SEL1L3: variants seen among roughly 807,000 people sequenced by gnomAD.
The protein encoded by SEL1L3 is protein sel-1 homolog 3.
SEL1L3 carries 76 observed loss-of-function variants against 142.8 expected under a neutral mutation model. That is an observed-to-expected ratio of 0.53 (90% CI 0.44 to 0.64). The LOEUF (loss-of-function observed/expected upper bound fraction) is 0.64, where lower values mean the gene tolerates loss of function less well. Ranked by LOEUF, SEL1L3 falls within the 30% of genes least tolerant of loss-of-function variation. The probability of loss-of-function intolerance (pLI) is 0.00; values close to 1 mark genes in which losing one functional copy is unlikely to be tolerated. For missense variants in SEL1L3, 1,262 were observed against 1,381.7 expected, an observed-to-expected ratio of 0.91 and a Z score of 1.37; for synonymous variants, 504 against 519.6, an observed-to-expected ratio of 0.97 and a Z score of 0.41.
At chr4:25,781,738 T>A (rs1292757378) in intron 15 of SEL1L3, among the ~76,000 whole-genome samples, 1 of 152,084 alleles carries the variant, frequency 6.6e-6, no homozygotes, top group African/African-American at 2.4e-5. Context: ...AGAGGAGAAT[T>A]AGGATTACAT....
the SEL1L3 span, among the ~76,000 whole-genome samples, chr4:25,716,905 T>A: frequency 6.6e-6 from 1 of 152,080 alleles, no homozygotes; most frequent in Non-Finnish European, 1.5e-5. Flanking sequence ...GGCAGATGGA[T>A]CTCTTGAGCC....
At chr4:25,744,588 A>G (rs1577542122), downstream of SEL1L3, among the ~76,000 whole-genome samples, 1 of 152,146 alleles carries the variant, frequency 6.6e-6, no homozygotes, top group Non-Finnish European at 1.5e-5. Flanking sequence ...TCCTGACCTC[A>G]AGAGATCCAG....
chr4:25,844,939 T>C (rs1716412630), intron 2 of SEL1L3, among the ~76,000 whole-genome samples: 1 of 152,202 alleles, frequency 6.6e-6, no homozygotes, highest in African/African-American at 2.4e-5. Flanking sequence ...GAATTTACTT[T>C]CATCTTCTAG....
chr4:25,739,577 C>T, the SEL1L3 span, among the ~76,000 whole-genome samples: 7 of 151,904 alleles, frequency 4.6e-5, no homozygotes, highest in South Asian at 4.2e-4. Flanking sequence ...TGGTGGCACG[C>T]GCCTGTAGTC....
At chr4:25,764,734 T>C (rs1213021507) in intron 20 of SEL1L3, among the ~76,000 whole-genome samples, 1 of 152,150 alleles carries the variant, frequency 6.6e-6, no homozygotes, top group Non-Finnish European at 1.5e-5. Context: ...CATTTGATTA[T>C]TTGGTCTTGA....
At chr4:25,825,983 A>C (rs1045469328) in intron 6 of SEL1L3, among the ~76,000 whole-genome samples, 4 of 151,940 alleles carry the variant, frequency 2.6e-5, no homozygotes, top group African/African-American at 9.7e-5. Flanking sequence ...GCCTGGTCTA[A>C]ATTCTGACCC....
Position 25,862,932 on chromosome 4 carries a change from C to G in SEL1L3, c.-96G>C, listed in dbSNP as rs1408764927. 7 of 888,642 alleles carry G rather than the reference C, an allele frequency of 7.9e-6. No individual in the cohort carries two copies. The highest frequency in any genetic ancestry group is 8.1e-6 in the Non-Finnish European group (6 of 743,784). The allele number at this position is 888,642 out of a possible 1,614,324, so 55.0% of individuals were successfully genotyped here. A position where few individuals can be genotyped will look rare whatever the true frequency, so the allele number is the denominator to read the frequency against. On this transcript the variant is annotated 5_prime_UTR_variant, in exon 1 of 24. Transcript: ENST00000399878. ...CCTTCCCGCCCGCCCCCGGCCGGGC[C>G]GGCCGCCGCGCGCGGGGCCACCTGC...
intron 1 of SEL1L3, among the ~76,000 whole-genome samples, chr4:25,852,585 G>C (rs750113962): frequency 1.3e-5 from 2 of 152,170 alleles, no homozygotes; most frequent in African/African-American, 4.8e-5. Context: ...TGGCCAACAC[G>C]CCTTATTCCA....
intron 11 of SEL1L3, among the ~76,000 whole-genome samples, chr4:25,798,175 G>C (rs1260744496): frequency 6.6e-6 from 1 of 152,162 alleles, no homozygotes; most frequent in Non-Finnish European, 1.5e-5. Context: ...TCTTCTGGGT[G>C]AGTACTGCTC....
chr4:25,799,951 T>C (rs1344643275), intron 11 of SEL1L3, among the ~76,000 whole-genome samples: 1 of 152,102 alleles, frequency 6.6e-6, no homozygotes, highest in Non-Finnish European at 1.5e-5. Flanking sequence ...GAGCAGCTTT[T>C]GAGGAGTGGG....
chr4:25,734,400 C>T, the SEL1L3 span, among the ~76,000 whole-genome samples: 16 of 152,006 alleles, frequency 1.1e-4, no homozygotes, highest in Non-Finnish European at 1.6e-4. Flanking sequence ...GCTTTATCTG[C>T]GTCTATTGAG....
At chr4:25,841,291 C>A (rs1716150488) in intron 2 of SEL1L3, among the ~76,000 whole-genome samples, 1 of 152,188 alleles carries the variant, frequency 6.6e-6, no homozygotes, top group African/African-American at 2.4e-5. Context: ...GCCTCAGCCT[C>A]CCAAAGTGCT....
At chr4:25,718,487 A>G in the SEL1L3 span, 1 of 152,192 alleles carries the variant, frequency 6.6e-6, no homozygotes, top group East Asian at 1.9e-4. Context: ...GATGAAGTGA[A>G]TGCGCGAGCA....
chr4:25,743,098 C>T (rs997001956), downstream of SEL1L3, among the ~76,000 whole-genome samples: 1 of 152,182 alleles, frequency 6.6e-6, no homozygotes, highest in African/African-American at 2.4e-5. Flanking sequence ...CAGACTCTAA[C>T]TAAAAAGGGC....
chr4:25,799,519 C>A (rs115034439), intron 11 of SEL1L3, among the ~76,000 whole-genome samples: 14 of 152,234 alleles, frequency 9.2e-5, no homozygotes, highest in African/African-American at 3.4e-4. Context: ...CCTCAACATA[C>A]GGATTTTGGC....
chr4:25,782,946 T>G lies in SEL1L3; in HGVS notation c.2281-528A>C, dbSNP rs955480427. 2.0e-5 allele frequency among the ~76,000 whole-genome samples: 3 copies of G among 152,216 alleles called. No individual in the cohort carries two copies. The South Asian group carries it at 6.2e-4, about 32-fold the overall frequency. ...CATGGTTCTGACAGTGGGTTCAGGG[T>G]CTGGGAGAAGCAGAAGCAGAAGGGG... is the stretch of plus-strand genomic sequence containing the variant. On this transcript the variant is annotated intron_variant, in intron 14 of 23. Coordinates refer to ENST00000399878, the MANE Select transcript of SEL1L3 (RefSeq NM_015187.5).
intron 1 of SEL1L3, among the ~76,000 whole-genome samples, chr4:25,857,638 C>A (rs1231706636): frequency 6.6e-6 from 1 of 152,192 alleles, no homozygotes; most frequent in Non-Finnish European, 1.5e-5. Flanking sequence ...GTAACTTGCC[C>A]AAGGTCAACC....
At chr4:25,717,381 T>C in the SEL1L3 span, among the ~76,000 whole-genome samples, 1 of 152,240 alleles carries the variant, frequency 6.6e-6, no homozygotes, top group African/African-American at 2.4e-5. Flanking sequence ...AAACCAATGA[T>C]TGTGCAGGGC....
At position 25,788,406 on chromosome 4, in the gene SEL1L3, T is replaced by TAATG; in HGVS notation, c.2077-46_2077-43dup. On this transcript the variant is annotated intron_variant, in intron 12 of 23. Transcript: ENST00000399878. The surrounding 1 kb of genome is among the most constrained non-coding windows in gnomAD (Gnocchi z 5.3). ...ATTTAGAACAATGACTTTTCCTGTA[T>TAATG]AATGCTTAACACAAGATTTTGAAAG... The TAATG allele has an allele frequency of 6.2e-7, 1 of 1,604,406 alleles. No homozygotes were observed. The highest frequency in any genetic ancestry group is 8.5e-7 in the Non-Finnish European group (1 of 1,174,344).
Sources: gnomAD v4.1 joint callset for allele counts (sites outside exome capture counted in the v4.1 genomes callset) on GRCh38, gnomAD v4.1.1 for gene constraint, Gnocchi (gnomAD v3.1) non-coding constraint, MANE v1.5 for transcripts, NCBI Gene and HGNC (gene_info 2026-07-23, HGNC 2026-07-21) for gene names.